Variants in RABGAP1L observed in about 807,000 individuals in gnomAD.
RABGAP1L encodes RAB GTPase activating protein 1 like, also known as rab GTPase-activating protein 1-like.
Under a neutral mutation model 137.7 loss-of-function variants are expected in RABGAP1L, and 63 were observed. That is an observed-to-expected ratio of 0.46 (90% CI 0.37 to 0.56). The LOEUF is 0.56. RABGAP1L is among the 20% of genes least tolerant of loss of function. The pLI is 0.00. For missense variants in RABGAP1L, 1,095 were observed against 1,244.0 expected, an observed-to-expected ratio of 0.88 and a Z score of 1.80; for synonymous variants, 431 against 433.7, an observed-to-expected ratio of 0.99 and a Z score of 0.08.
intron 4 of RABGAP1L, among the ~76,000 whole-genome samples, chr1:174,237,935 C>T (rs935876916): frequency 8.6e-5 from 13 of 150,682 alleles, no homozygotes; most frequent in South Asian, 2.1e-4. Context: ...GGTCTTTTCA[C>T]GTAGTCCCAT....
At chr1:174,718,501 T>C (rs369083794) in intron 17 of RABGAP1L, among the ~76,000 whole-genome samples, 1 of 152,294 alleles carries the variant, frequency 6.6e-6, no homozygotes, top group East Asian at 1.9e-4. Flanking sequence ...CAAGAAAGGA[T>C]GATAGAGGAA....
intron 19 of RABGAP1L, among the ~76,000 whole-genome samples, chr1:174,837,562 G>A (rs1692898602): frequency 6.6e-6 from 1 of 152,220 alleles, no homozygotes; most frequent in Admixed American, 6.5e-5. Flanking sequence ...TGGCCCTGTG[G>A]AGAATTGCCT....
chr1:174,244,005 T>C (rs2148568199), intron 5 of RABGAP1L, among the ~76,000 whole-genome samples: 1 of 152,362 alleles, frequency 6.6e-6, no homozygotes, highest in South Asian at 2.1e-4. Context: ...GTTTTGTATT[T>C]TACCTGGCCC....
intron 8 of RABGAP1L, among the ~76,000 whole-genome samples, chr1:174,273,895 TCAGA>T (rs1395700748): frequency 1.3e-5 from 2 of 152,190 alleles, no homozygotes; most frequent in Non-Finnish European, 2.9e-5. Flanking sequence ...ATTCATGCTC[TCAGA>T]CAGAGAAGGG....
chr1:174,365,071 C>A (rs921243441), intron 11 of RABGAP1L, among the ~76,000 whole-genome samples: 1 of 152,162 alleles, frequency 6.6e-6, no homozygotes, highest in Non-Finnish European at 1.5e-5. Flanking sequence ...CACTTTCATG[C>A]TGGGAGCTTC....
chr1:174,219,149 A>G lies in RABGAP1L; in HGVS notation c.-9A>G, dbSNP rs767401882. The G allele has an allele frequency of 1.9e-6, 3 of 1,587,540 alleles. No individual in the cohort carries two copies. The highest frequency in any genetic ancestry group is 1.7e-6 in the Non-Finnish European group (2 of 1,169,340). On this transcript the variant is annotated 5_prime_UTR_variant, in exon 2 of 26. Coordinates refer to ENST00000681986, the MANE Select transcript of RABGAP1L (RefSeq NM_001366446.1). ...GGTGGTTGTGGGAAGAGAAGTTTGC[A>G]GAACTGAAATGGAGGTCAGAGCTTC... is the stretch of plus-strand genomic sequence containing the variant.
At chr1:174,441,614 A>T (rs1654159942) in intron 13 of RABGAP1L, among the ~76,000 whole-genome samples, 1 of 152,120 alleles carries the variant, frequency 6.6e-6, no homozygotes, top group Non-Finnish European at 1.5e-5. Flanking sequence ...CATGCCTGTA[A>T]TCCCAGCCAC....
chr1:174,643,702 T>C (rs1449916768), intron 14 of RABGAP1L, among the ~76,000 whole-genome samples: 2 of 152,116 alleles, frequency 1.3e-5, no homozygotes, highest in Non-Finnish European at 2.9e-5. Flanking sequence ...GTACCAAATT[T>C]GCATACTGAT....
intron 13 of RABGAP1L, among the ~76,000 whole-genome samples, chr1:174,530,790 T>TATACATACATAC (rs79486666): frequency 4.9e-4 from 72 of 146,536 alleles, no homozygotes; most frequent in Non-Finnish European, 7.5e-4. Context: ...CCAAGATTTT[T>TATACATACATAC]ATACATACAT....
At chr1:174,665,317 T>A (rs1233419757) in intron 14 of RABGAP1L, among the ~76,000 whole-genome samples, 2 of 151,832 alleles carry the variant, frequency 1.3e-5, no homozygotes, top group East Asian at 3.9e-4. Context: ...TGCCTTAGTC[T>A]GCCTGCCTGC....
At chr1:174,568,633 G>A (rs1156871835) in intron 13 of RABGAP1L, among the ~76,000 whole-genome samples, 3 of 152,132 alleles carry the variant, frequency 2.0e-5, no homozygotes, top group Non-Finnish European at 4.4e-5. Context: ...AAATAGGAGT[G>A]TGCACTTGAA....
At chr1:174,840,243 G>A (rs1693232061) in intron 19 of RABGAP1L, among the ~76,000 whole-genome samples, 1 of 152,172 alleles carries the variant, frequency 6.6e-6, no homozygotes, top group Non-Finnish European at 1.5e-5. Context: ...AAAGATTACA[G>A]CATTATTTTC....
intron 14 of RABGAP1L, among the ~76,000 whole-genome samples, chr1:174,665,161 G>T (rs1676689192): frequency 6.6e-6 from 1 of 152,180 alleles, no homozygotes. Flanking sequence ...TCACCTGAAT[G>T]TCATGAGATC....
At chr1:174,487,713 T>C (rs1659806266) in intron 13 of RABGAP1L, among the ~76,000 whole-genome samples, 1 of 152,174 alleles carries the variant, frequency 6.6e-6, no homozygotes, top group Non-Finnish European at 1.5e-5. Context: ...TTCCTTCCTG[T>C]CTTCCTTTTG....
At chr1:174,667,931 A>G (rs1676906707) in intron 14 of RABGAP1L, among the ~76,000 whole-genome samples, 1 of 152,192 alleles carries the variant, frequency 6.6e-6, no homozygotes, top group Non-Finnish European at 1.5e-5. Context: ...GTGCTCAGTA[A>G]ATACTCAATT....
intron 10 of RABGAP1L, among the ~76,000 whole-genome samples, chr1:174,282,041 T>C (rs968843577): frequency 1.3e-5 from 2 of 152,264 alleles, no homozygotes; most frequent in African/African-American, 4.8e-5. Context: ...TTCCTTTGTA[T>C]AGCTGTACCA....
At chr1:174,810,343 G>A (rs1689746848) in intron 18 of RABGAP1L, among the ~76,000 whole-genome samples, 1 of 152,132 alleles carries the variant, frequency 6.6e-6, no homozygotes, top group South Asian at 2.1e-4. Context: ...GAATTTAAGT[G>A]CTCAGAGAAG....
At chr1:174,398,145 A>C (rs934293736) in intron 13 of RABGAP1L, among the ~76,000 whole-genome samples, 1 of 152,168 alleles carries the variant, frequency 6.6e-6, no homozygotes, top group African/African-American at 2.4e-5. Context: ...AATATGTAGC[A>C]ATATACACTT....
Position 174,637,418 on chromosome 1 carries a change from C to G in RABGAP1L, c.1754C>G (p.Thr585Arg), listed in dbSNP as rs1423173524. 3 of 1,613,306 alleles carry G rather than the reference C, an allele frequency of 1.9e-6. No individual in the cohort carries two copies. Among genetic ancestry groups the G allele is most frequent in the Non-Finnish European group, 2.5e-6 (3 of 1,179,308 alleles). Reference protein sequence around the residue: ...ESVITRDIHRTFPAHDYFKDT... With the variant: ...ESVITRDIHRRFPAHDYFKDT... ...GTTATTACTCGAGATATTCATCGTA[C>G]ATTTCCCGCACATGATTACTTTAAA... is the stretch of plus-strand genomic sequence containing the variant. The change falls in exon 14 of 26, where the codon ACA becomes AGA. Residue 585 changes from threonine (T) to arginine (R), a missense_variant. This residue lies in a region of RABGAP1L where 315 missense variants were observed against 324.8 expected (regional missense o/e 0.97). Coordinates refer to ENST00000681986, the MANE Select transcript of RABGAP1L (RefSeq NM_001366446.1).
Sources: allele counts gnomAD v4.1 joint callset (sites outside exome capture counted in the v4.1 genomes callset), GRCh38; gene constraint gnomAD v4.1.1; regional missense constraint gnomAD v4.1.1; transcripts MANE v1.5; gene names NCBI Gene and HGNC (gene_info 2026-07-23, HGNC 2026-07-21).